Variants in CNTNAP2 observed in about 807,000 individuals in gnomAD.
CNTNAP2 encodes contactin associated protein 2, also known as contactin-associated protein-like 2.
A neutral mutation model predicts 155.2 loss-of-function variants in CNTNAP2; 98 were observed. The observed-to-expected ratio is 0.63, with a 90% CI of 0.54 to 0.75. CNTNAP2 has a LOEUF of 0.75. Among genes scored for constraint, CNTNAP2 ranks in the 30% least tolerant of loss-of-function variants. CNTNAP2 has a pLI of 0.00. For synonymous variants in CNTNAP2, 651 were observed against 631.2 expected (o/e 1.03, Z -0.47); for missense variants, 1,727 against 1,688.1 (o/e 1.02, Z -0.40).
chr7:146,438,134 A>G (rs1584925569), intron 1 of CNTNAP2, among the ~76,000 whole-genome samples: 3 of 151,586 alleles, frequency 2.0e-5, no homozygotes, highest in Admixed American at 2.0e-4. Context: ...TATACATTAT[A>G]CATATGTATA....
At chr7:146,818,917 A>G (rs1803224440) in intron 2 of CNTNAP2, among the ~76,000 whole-genome samples, 1 of 152,106 alleles carries the variant, frequency 6.6e-6, no homozygotes, top group Non-Finnish European at 1.5e-5. Context: ...TAAAAACCAC[A>G]GTGATATTCA....
At chr7:148,334,096 C>T (rs1461908012) in intron 21 of CNTNAP2, among the ~76,000 whole-genome samples, 2 of 152,176 alleles carry the variant, frequency 1.3e-5, no homozygotes, top group Non-Finnish European at 2.9e-5. Context: ...TAGTGACTTC[C>T]AGAAGATGTT....
intron 2 of CNTNAP2, among the ~76,000 whole-genome samples, chr7:146,794,126 C>G (rs1802725694): frequency 6.6e-6 from 1 of 152,204 alleles, no homozygotes; most frequent in South Asian, 2.1e-4. Flanking sequence ...CATTTTCTCT[C>G]TGTGCAGACT....
rs1366661416 is a variant in CNTNAP2 at position 146,477,436 on chromosome 7, A to G, written c.98-296835A>G. Among the ~76,000 whole-genome samples, 4 of 152,158 alleles carry G rather than the reference A, an allele frequency of 2.6e-5. No homozygotes were observed. In the East Asian group the frequency reaches 5.8e-4, roughly 22 times the overall value. On this transcript the variant is annotated intron_variant, in intron 1 of 23. Coordinates refer to ENST00000361727, the MANE Select transcript of CNTNAP2 (RefSeq NM_014141.6). Reference sequence around the variant, plus strand: ...GAGTGATAAAATGTTAAGCTTCCTAATGATTTCTGTGGTCTCTAGCATAGA... The same window carrying G: ...GAGTGATAAAATGTTAAGCTTCCTAGTGATTTCTGTGGTCTCTAGCATAGA...
chr7:147,802,745 C>T (rs950129281), intron 13 of CNTNAP2, among the ~76,000 whole-genome samples: 17 of 129,148 alleles, frequency 1.3e-4, no homozygotes, highest in African/African-American at 4.1e-4. Flanking sequence ...AGCTTCCGCT[C>T]GGCATCAGAG....
At chr7:146,731,723 A>C (rs1801528979) in intron 1 of CNTNAP2, among the ~76,000 whole-genome samples, 1 of 152,160 alleles carries the variant, frequency 6.6e-6, no homozygotes, top group African/African-American at 2.4e-5. Flanking sequence ...AACGTATAAA[A>C]TTATTTGTGC....
chr7:146,574,352 G>C (rs1798489928), intron 1 of CNTNAP2, among the ~76,000 whole-genome samples: 2 of 152,114 alleles, frequency 1.3e-5, no homozygotes, highest in Admixed American at 1.3e-4. Flanking sequence ...TTGACATAAA[G>C]TTAAATTGTT....
chr7:146,166,826 G>A (rs887308484), intron 1 of CNTNAP2, among the ~76,000 whole-genome samples: 7 of 152,160 alleles, frequency 4.6e-5, no homozygotes, highest in Admixed American at 2.0e-4. Flanking sequence ...AGAAGATAGC[G>A]GGAAATAATG....
At chr7:147,564,820 A>C (rs1800136472) in intron 12 of CNTNAP2, among the ~76,000 whole-genome samples, 1 of 145,028 alleles carries the variant, frequency 6.9e-6, no homozygotes, top group African/African-American at 2.5e-5. Flanking sequence ...AAGGAGCAGA[A>C]TACAACTTTT....
intron 4 of CNTNAP2, among the ~76,000 whole-genome samples, chr7:147,070,519 A>C (rs1300343027): frequency 2.0e-5 from 3 of 152,216 alleles, no homozygotes; most frequent in African/African-American, 7.2e-5. Context: ...GGTCCTAGAG[A>C]GCTCAGAAGG....
In CNTNAP2 at chr7:147,658,760, CA is replaced by C. The variant is rs1795568950; in HGVS notation, c.2098+19457del. Among the ~76,000 whole-genome samples the C allele has an allele frequency of 3.9e-5, 6 of 152,188 alleles. No individual in the cohort carries two copies. The South Asian group carries it at 1.2e-3, about 31-fold the overall frequency. ...CTCCTAGGCTGCCGATGGCTATGCA[CA>C]AACTTGATCTTGTTTACTGTGCTTT... On this transcript the variant is annotated intron_variant, in intron 13 of 23. Coordinates refer to ENST00000361727, the MANE Select transcript of CNTNAP2 (RefSeq NM_014141.6).
At chr7:147,487,279 T>G (rs1040915708) in intron 11 of CNTNAP2, among the ~76,000 whole-genome samples, 1 of 152,146 alleles carries the variant, frequency 6.6e-6, no homozygotes, top group East Asian at 1.9e-4. Context: ...AAGGTCAAAA[T>G]TGATACTAGA....
intron 1 of CNTNAP2, among the ~76,000 whole-genome samples, chr7:146,726,232 T>C (rs1487563021): frequency 1.3e-5 from 2 of 152,156 alleles, no homozygotes; most frequent in Admixed American, 1.3e-4. Flanking sequence ...AGAACATACA[T>C]TTAGGAACTA....
intron 13 of CNTNAP2, among the ~76,000 whole-genome samples, chr7:147,714,563 T>G (rs1796453934): frequency 6.6e-6 from 1 of 152,040 alleles, no homozygotes; most frequent in African/African-American, 2.4e-5. Flanking sequence ...ATTCTCTTTT[T>G]GGAGTTTTTT....
At chr7:146,645,380 T>C (rs563550935) in intron 1 of CNTNAP2, among the ~76,000 whole-genome samples, 64 of 152,282 alleles carry the variant, frequency 4.2e-4, no homozygotes, top group South Asian at 1.2e-3. Context: ...TTACATATAA[T>C]AACCTCGATT....
chr7:146,737,193 C>A (rs1401025548), intron 1 of CNTNAP2, among the ~76,000 whole-genome samples: 1 of 152,038 alleles, frequency 6.6e-6, no homozygotes, highest in Non-Finnish European at 1.5e-5. Context: ...TTGTGTACAA[C>A]ATGATGTTTT....
At chr7:147,584,223 G>T (rs561417492) in intron 12 of CNTNAP2, among the ~76,000 whole-genome samples, 3 of 152,172 alleles carry the variant, frequency 2.0e-5, no homozygotes, top group African/African-American at 7.2e-5. Flanking sequence ...CTTTTGAGAT[G>T]CTTCATTTTC....
At chr7:147,480,173 TTAA>T (rs1344106798) in intron 10 of CNTNAP2, among the ~76,000 whole-genome samples, 3 of 152,166 alleles carry the variant, frequency 2.0e-5, no homozygotes, top group African/African-American at 7.2e-5. Flanking sequence ...ATTTCTTGTC[TTAA>T]TAAGCAAAAA....
At chr7:148,032,014 C>T (rs1198315499) in intron 15 of CNTNAP2, among the ~76,000 whole-genome samples, 1 of 152,166 alleles carries the variant, frequency 6.6e-6, no homozygotes, top group Non-Finnish European at 1.5e-5. Flanking sequence ...CAAATCGCCT[C>T]CCATCTGTCT....
Sources: gnomAD v4.1 joint callset for allele counts (sites outside exome capture counted in the v4.1 genomes callset) on GRCh38, gnomAD v4.1.1 for gene constraint, MANE v1.5 for transcripts, NCBI Gene and HGNC (gene_info 2026-07-23, HGNC 2026-07-21) for gene names.